Variants in RAI14 observed in about 807,000 individuals in gnomAD.
RAI14 encodes retinoic acid induced 14, also known as ankycorbin.
A neutral mutation model predicts 115.4 loss-of-function variants in RAI14; 45 were observed. The observed-to-expected ratio is 0.39, with a 90% confidence interval of 0.31 to 0.50. RAI14 has a LOEUF of 0.50. Among genes scored for constraint, RAI14 ranks in the 20% least tolerant of loss-of-function variants. The pLI, the probability that RAI14 is intolerant of heterozygous loss-of-function variation, is 0.85. For synonymous variants in RAI14, 371 were observed against 415.4 expected (o/e 0.89, Z 1.30); for missense variants, 939 against 1,131.2 (o/e 0.83, Z 2.44).
In RAI14 at chr5:34,690,053, C is replaced by T. The variant is rs1738375968; in HGVS notation, c.36+3098C>T. Reference sequence around the variant, plus strand: ...TAGAATACTCTGGTAACAGTTGCTGCTGCCGAACAGGGAAACTGAGAGCTG... The same window carrying T: ...TAGAATACTCTGGTAACAGTTGCTGTTGCCGAACAGGGAAACTGAGAGCTG... On this transcript the variant is annotated intron_variant, in intron 2 of 17. Transcript: ENST00000265109. Among the ~76,000 whole-genome samples, 2 of 152,178 alleles carry T rather than the reference C, an allele frequency of 1.3e-5. 1 individual carries two copies. The highest frequency in any genetic ancestry group is 4.8e-5 in the African/African-American group (2 of 41,446).
chr5:34,716,146 A>T, intron 2 of RAI14: 1 of 422,582 alleles, frequency 2.4e-6, no homozygotes. Flanking sequence ...CAAATAGGCA[A>T]ATATTCGGTA....
At chr5:34,658,462 C>G (rs1742448624) in intron 1 of RAI14, among the ~76,000 whole-genome samples, 1 of 152,038 alleles carries the variant, frequency 6.6e-6, no homozygotes, top group African/African-American at 2.4e-5. Context: ...TCCACCCCCT[C>G]CCTCCCTTCC....
intron 2 of RAI14, among the ~76,000 whole-genome samples, chr5:34,720,435 G>A (rs1489583726): frequency 7.6e-6 from 1 of 132,062 alleles, no homozygotes; most frequent in Admixed American, 8.3e-5. Flanking sequence ...TTTTGAGATG[G>A]AGTCTCGCTC....
rs1756464101 is a variant in RAI14, at chr5:34,818,141, C to T, written c.940-656C>T. The stretch of plus-strand genomic sequence containing the variant: ...ATCATTGACTGGCTCATTCGGATGC[C>T]ACATTGTAATTTTTAGCAAGTCACT... On this transcript the variant is annotated intron_variant, in intron 12 of 17. Coordinates refer to ENST00000265109, the MANE Select transcript of RAI14 (RefSeq NM_015577.3). Among the ~76,000 whole-genome samples the T allele has an allele frequency of 3.9e-5, 6 of 152,084 alleles. No individual in the cohort carries two copies. In the South Asian group the frequency reaches 1.2e-3, roughly 32 times the overall value.
At chr5:34,711,140 G>T (rs185258090) in intron 2 of RAI14, among the ~76,000 whole-genome samples, 3 of 152,186 alleles carry the variant, frequency 2.0e-5, no homozygotes, top group African/African-American at 7.2e-5. Context: ...ATGCGCGTCC[G>T]TGTGAAGAGA....
intron 3 of RAI14, among the ~76,000 whole-genome samples, chr5:34,761,795 T>G (rs1173867661): frequency 2.0e-5 from 3 of 152,100 alleles, no homozygotes; most frequent in Admixed American, 6.5e-5. Flanking sequence ...TATTCGATTA[T>G]TTTATTCTAT....
chr5:34,750,847 C>CTTTTTTTTTT (rs1561309335), intron 2 of RAI14, among the ~76,000 whole-genome samples: 22 of 62,426 alleles, frequency 3.5e-4, no homozygotes, highest in African/African-American at 1.4e-3. Flanking sequence ...TTTGCTTTAT[C>CTTTTTTTTTT]ATTTTTTTTT....
chr5:34,662,374 A>G (rs1012689625), intron 1 of RAI14, among the ~76,000 whole-genome samples: 1 of 152,232 alleles, frequency 6.6e-6, no homozygotes. Flanking sequence ...TTGTTTCAGT[A>G]GAAGCCAACT....
intron 3 of RAI14, 52 bp from the exon 4 acceptor site, chr5:34,795,887 G>C (rs1402014596): frequency 1.4e-6 from 2 of 1,479,038 alleles, no homozygotes; most frequent in East Asian, 4.6e-5. Context: ...TGTTGGAGAT[G>C]AACATTAAAG....
intron 12 of RAI14, among the ~76,000 whole-genome samples, chr5:34,816,622 T>C (rs1167330556): frequency 6.6e-6 from 1 of 152,162 alleles, no homozygotes; most frequent in Non-Finnish European, 1.5e-5. Flanking sequence ...ATTTCGATAT[T>C]TTATATTTAC....
chr5:34,752,745 G>GTATATATATA (rs1373860856), intron 2 of RAI14, among the ~76,000 whole-genome samples: 25 of 105,266 alleles, frequency 2.4e-4, no homozygotes, highest in African/African-American at 9.4e-4. Context: ...GTGTGTGTGT[G>GTATATATATA]TGTGTATATA....
intron 2 of RAI14, chr5:34,687,959 A>T: frequency 1.9e-6 from 2 of 1,061,070 alleles, no homozygotes; most frequent in South Asian, 3.5e-5. Flanking sequence ...CCCTGATAAA[A>T]CCCAGGCTAG....
chr5:34,761,358 G>GTTTT (rs1561325019), intron 3 of RAI14, among the ~76,000 whole-genome samples: 2 of 151,846 alleles, frequency 1.3e-5, no homozygotes, highest in South Asian at 2.1e-4. Context: ...AGCTAATTTT[G>GTTTT]GTTTTGTTTT....
At chr5:34,675,371 A>G (rs900889882) in intron 1 of RAI14, among the ~76,000 whole-genome samples, 2 of 152,230 alleles carry the variant, frequency 1.3e-5, no homozygotes, top group African/African-American at 4.8e-5. Flanking sequence ...TGGCATTTGC[A>G]ATTACTTCCT....
intron 1 of RAI14, among the ~76,000 whole-genome samples, chr5:34,673,652 G>A (rs1318420064): frequency 2.6e-5 from 4 of 152,204 alleles, no homozygotes; most frequent in African/African-American, 7.2e-5. Context: ...TAGGCTAGAA[G>A]GGGCGTGCCT....
At position 34,824,291 on chromosome 5, in the gene RAI14, G is replaced by A. The variant is rs753007860; in HGVS notation, c.2449G>A (p.Val817Ile). 1 of 1,614,186 alleles carries A rather than the reference G, an allele frequency of 6.2e-7. No individual in the cohort carries two copies. Among genetic ancestry groups the A allele is most frequent in the Non-Finnish European group, 8.5e-7 (1 of 1,180,024 alleles). The change falls in exon 15 of 18, where the codon GTC (valine) becomes ATC (isoleucine). Residue 817 changes from valine to isoleucine, a missense_variant. Transcript: ENST00000265109. ...LKESVKEKEK[V>I]HSEVVQIRSE... ...GGAATCTGTGAAAGAGAAAGAGAAG[G>A]TCCATTCAGAGGTTGTCCAGATTAG...
chr5:34,725,874 A>G (rs1743379184), intron 2 of RAI14, among the ~76,000 whole-genome samples: 1 of 150,188 alleles, frequency 6.7e-6, no homozygotes, highest in Non-Finnish European at 1.5e-5. Flanking sequence ...AGGCAGGAGA[A>G]TCGCTTGAAT....
chr5:34,677,579 G>T (rs1237762120), intron 1 of RAI14, among the ~76,000 whole-genome samples: 1 of 151,874 alleles, frequency 6.6e-6, no homozygotes, highest in African/African-American at 2.4e-5. Context: ...CAAGTACCTG[G>T]GCCTACAGGT....
At chr5:34,787,601 G>A (rs1019235003) in intron 3 of RAI14, among the ~76,000 whole-genome samples, 10 of 152,072 alleles carry the variant, frequency 6.6e-5, no homozygotes, top group Admixed American at 6.6e-4. Context: ...AGGGAAATAG[G>A]GAGTGACTGC....
Sources: allele counts gnomAD v4.1 joint callset (sites outside exome capture counted in the v4.1 genomes callset), GRCh38; gene constraint gnomAD v4.1.1; transcripts MANE v1.5; gene names NCBI Gene and HGNC (gene_info 2026-07-23, HGNC 2026-07-21).